Variants in IGFBP7 observed in about 807,000 individuals in gnomAD.
IGFBP7 encodes insulin like growth factor binding protein 7, also known as insulin-like growth factor-binding protein 7.
Under a neutral mutation model 29.4 loss-of-function variants are expected in IGFBP7, and 31 were observed. The observed-to-expected ratio is 1.05, with a 90% CI of 0.79 to 1.42. The LOEUF (loss-of-function observed/expected upper bound fraction) is 1.42. Among genes scored for constraint, IGFBP7 ranks in the 40% most tolerant of loss-of-function variants. The probability of loss-of-function intolerance (pLI) is 0.00; values close to 1 mark genes in which losing one functional copy is unlikely to be tolerated. For synonymous variants in IGFBP7, 172 were observed against 174.9 expected, an observed-to-expected ratio of 0.98 and a Z score of 0.13; for missense variants, 393 against 395.5, an observed-to-expected ratio of 0.99 and a Z score of 0.05.
chr4:57,040,161 C>T (rs944232871), intron 2 of IGFBP7, among the ~76,000 whole-genome samples: 6 of 151,996 alleles, frequency 3.9e-5, no homozygotes, highest in African/African-American at 1.5e-4. Flanking sequence ...AGAATAGATC[C>T]CACCTCATTC....
intron 1 of IGFBP7, among the ~76,000 whole-genome samples, chr4:57,086,179 T>C (rs1253464001): frequency 9.2e-5 from 14 of 152,210 alleles, no homozygotes; most frequent in Non-Finnish European, 1.6e-4. Flanking sequence ...CTGCCCTTTA[T>C]AAAACCATCA....
intron 1 of IGFBP7, among the ~76,000 whole-genome samples, chr4:57,089,783 A>C (rs1725591242): frequency 6.6e-6 from 1 of 152,204 alleles, no homozygotes; most frequent in Admixed American, 6.5e-5. Flanking sequence ...GATTAGGCAG[A>C]AATTTGCTGA....
chr4:57,078,775 C>G (rs1725291185), intron 1 of IGFBP7, among the ~76,000 whole-genome samples: 1 of 152,022 alleles, frequency 6.6e-6, no homozygotes, highest in Admixed American at 6.6e-5. Context: ...AATCCAGAGC[C>G]TACAGAGCCC....
intron 1 of IGFBP7, among the ~76,000 whole-genome samples, chr4:57,049,964 T>A (rs1195416630): frequency 1.3e-5 from 2 of 152,210 alleles, no homozygotes; most frequent in Non-Finnish European, 2.9e-5. Flanking sequence ...ACTATCTTAT[T>A]TATCAGCTGG....
intron 1 of IGFBP7, among the ~76,000 whole-genome samples, chr4:57,042,496 C>T (rs114726428): frequency 0.021 from 3,137 of 152,260 alleles, 95 homozygotes; most frequent in African/African-American, 0.072. Flanking sequence ...GCTAGGACTA[C>T]AAGTGCATGC....
At chr4:57,064,482 T>C (rs1724873228) in intron 1 of IGFBP7, among the ~76,000 whole-genome samples, 1 of 152,210 alleles carries the variant, frequency 6.6e-6, no homozygotes. Context: ...GTTAAGAACA[T>C]TTGTATGGTT....
chr4:57,037,382 G>T lies in IGFBP7; in HGVS notation c.585+3442C>A, dbSNP rs77593074. On this transcript the variant is annotated intron_variant, in intron 2 of 4. Coordinates refer to ENST00000295666, the MANE Select transcript of IGFBP7 (RefSeq NM_001553.3). The stretch of plus-strand genomic sequence containing the variant: ...GTTGACTGACATAGTGGGTTTTTTG[G>T]TTTTTTTTTTCAGAGACAGGATCTT... Among the ~76,000 whole-genome samples the T allele has an allele frequency of 1.4e-3, 209 of 148,886 alleles. 1 individual carries two copies. In the East Asian group the frequency reaches 0.027, roughly 19 times the overall value.
At chr4:57,100,131 C>T (rs1181176787) in intron 1 of IGFBP7, among the ~76,000 whole-genome samples, 1 of 136,216 alleles carries the variant, frequency 7.3e-6, no homozygotes, top group Non-Finnish European at 1.5e-5. Flanking sequence ...AGTGCAGTGG[C>T]TCCATCATAG....
chr4:57,058,505 C>T (rs1437103105), intron 1 of IGFBP7, among the ~76,000 whole-genome samples: 3 of 152,140 alleles, frequency 2.0e-5, no homozygotes, highest in African/African-American at 4.8e-5. Context: ...GGAAAAGACT[C>T]CCTATTCAAT....
At chr4:57,095,424 C>T (rs777350555) in intron 1 of IGFBP7, among the ~76,000 whole-genome samples, 3 of 152,130 alleles carry the variant, frequency 2.0e-5, no homozygotes, top group Non-Finnish European at 4.4e-5. Flanking sequence ...CTTATGCCTT[C>T]CTCTGCTACT....
chr4:57,109,621 T>C, intron 1 of IGFBP7: 1 of 543,996 alleles, frequency 1.8e-6, no homozygotes, highest in Non-Finnish European at 3.2e-6. Context: ...TTTCTACATA[T>C]ACACCCGGCC....
chr4:57,056,161 C>T (rs577190631), intron 1 of IGFBP7, among the ~76,000 whole-genome samples: 1 of 152,218 alleles, frequency 6.6e-6, no homozygotes, highest in Admixed American at 6.5e-5. Flanking sequence ...ATTTTCTGAG[C>T]CGTTTTGTGA....
chr4:57,046,331 G>T (rs1375903812), intron 1 of IGFBP7, among the ~76,000 whole-genome samples: 2 of 140,174 alleles, frequency 1.4e-5, no homozygotes, highest in African/African-American at 2.6e-5. Context: ...TGACAGTTCT[G>T]TTCTACCTCA....
intron 1 of IGFBP7, among the ~76,000 whole-genome samples, chr4:57,041,462 C>T (rs1724225200): frequency 6.6e-6 from 1 of 152,122 alleles, no homozygotes; most frequent in Non-Finnish European, 1.5e-5. Flanking sequence ...GGTGATGAGG[C>T]AGGGAAGAAA....
chr4:57,073,761 T>A (rs987820874), intron 1 of IGFBP7, among the ~76,000 whole-genome samples: 1 of 152,110 alleles, frequency 6.6e-6, no homozygotes, highest in African/African-American at 2.4e-5. Flanking sequence ...CCAACCCAGA[T>A]GCCAATTCCA....
chr4:57,047,066 G>A (rs1327866799), intron 1 of IGFBP7, among the ~76,000 whole-genome samples: 2 of 152,194 alleles, frequency 1.3e-5, no homozygotes, highest in African/African-American at 2.4e-5. Flanking sequence ...TGAAGGGAAA[G>A]AAGGGAGAGA....
In IGFBP7 at chr4:57,032,553, C is replaced by T; in HGVS notation, c.703-1G>A. ...CATCTTCCTTACTTAGAGGAGATACCTGTGAAAGAAAAAAGATCTAGTATT... is the reference window on the plus strand; with the variant it reads ...CATCTTCCTTACTTAGAGGAGATACTTGTGAAAGAAAAAAGATCTAGTATT... On this transcript the variant is annotated splice_acceptor_variant, in intron 3 of 4. Transcript: ENST00000295666. LOFTEE classifies it high-confidence loss of function. The T allele has an allele frequency of 1.2e-6, 2 of 1,611,048 alleles. No homozygotes were observed. The highest frequency in any genetic ancestry group is 1.7e-6 in the Non-Finnish European group (2 of 1,177,288).
chr4:57,056,085 C>T (rs987627895), intron 1 of IGFBP7, among the ~76,000 whole-genome samples: 2 of 152,034 alleles, frequency 1.3e-5, no homozygotes, highest in African/African-American at 4.8e-5. Flanking sequence ...TAGCCAGCCG[C>T]GCATAACTGA....
intron 1 of IGFBP7, among the ~76,000 whole-genome samples, chr4:57,068,431 G>A (rs1724971622): frequency 6.6e-6 from 1 of 152,098 alleles, no homozygotes; most frequent in African/African-American, 2.4e-5. Flanking sequence ...GGGAGGCGGG[G>A]GAAACGGCAG....
Sources: allele counts gnomAD v4.1 joint callset (sites outside exome capture counted in the v4.1 genomes callset), GRCh38; gene constraint gnomAD v4.1.1; transcripts MANE v1.5; gene names NCBI Gene and HGNC (gene_info 2026-07-23, HGNC 2026-07-21).